The following PARN variants were observed in gnomAD, a reference collection of about 807,000 sequenced individuals.
PARN encodes the protein poly(A)-specific ribonuclease PARN.
PARN carries 71 observed loss-of-function variants against 102.8 expected under a neutral mutation model. The ratio of observed to expected loss-of-function variants is 0.69; its 90% confidence interval spans 0.57 to 0.84. The LOEUF (loss-of-function observed/expected upper bound fraction) is 0.84. Among genes scored for constraint, PARN ranks in the 40% least tolerant of loss-of-function variants. The pLI is 0.00. For missense variants in PARN, 782 were observed against 760.9 expected (o/e 1.03, Z -0.33); for synonymous variants, 261 against 252.9 (o/e 1.03, Z -0.30).
At chr16:14,533,048 G>A (rs1387925056) in intron 21 of PARN, among the ~76,000 whole-genome samples, 20 of 152,254 alleles carry the variant, frequency 1.3e-4, no homozygotes, top group Admixed American at 1.3e-3. Flanking sequence ...GGGAGGCCAA[G>A]GCAGGCGGCT....
At chr16:14,536,695 G>A (rs574953506) in intron 21 of PARN, among the ~76,000 whole-genome samples, 4 of 152,180 alleles carry the variant, frequency 2.6e-5, no homozygotes, top group African/African-American at 9.6e-5. Context: ...CCTTTTCTAT[G>A]TAGTTTTAAA....
chr16:14,590,178 G>C (rs1209274963), intron 13 of PARN, among the ~76,000 whole-genome samples: 13 of 140,130 alleles, frequency 9.3e-5, no homozygotes, highest in Admixed American at 7.5e-5. Flanking sequence ...TTGAACACAG[G>C]AGGCCGAGAT....
At chr16:14,581,585 T>C (rs1189520545) in intron 17 of PARN, among the ~76,000 whole-genome samples, 2 of 152,078 alleles carry the variant, frequency 1.3e-5, no homozygotes, top group African/African-American at 4.8e-5. Context: ...GTGAGACCTT[T>C]GGGAGGTAAT....
intron 22 of PARN, among the ~76,000 whole-genome samples, chr16:14,452,074 A>C (rs1003612942): frequency 6.6e-6 from 1 of 151,924 alleles, no homozygotes; most frequent in Non-Finnish European, 1.5e-5. Flanking sequence ...CAATAACAAC[A>C]ACCACTTCAT....
chr16:14,562,034 C>T (rs1007431142), intron 18 of PARN, among the ~76,000 whole-genome samples: 4 of 152,184 alleles, frequency 2.6e-5, no homozygotes, highest in Admixed American at 1.3e-4. Flanking sequence ...CGCCTGTAAT[C>T]CCAGCTACTC....
intron 18 of PARN, among the ~76,000 whole-genome samples, chr16:14,577,489 A>T (rs1969216416): frequency 6.6e-6 from 1 of 150,610 alleles, no homozygotes; most frequent in South Asian, 2.1e-4. Flanking sequence ...GTCTGCCCCT[A>T]CACCCACCTA....
chr16:14,629,147 T>C (rs765824066), intron 2 of PARN, among the ~76,000 whole-genome samples: 13 of 152,184 alleles, frequency 8.5e-5, no homozygotes, highest in Non-Finnish European at 1.5e-4. Flanking sequence ...GGGAGTTTAA[T>C]GTGTAAAGAG....
At chr16:14,470,263 C>T (rs1962638369) in intron 22 of PARN, among the ~76,000 whole-genome samples, 1 of 151,914 alleles carries the variant, frequency 6.6e-6, no homozygotes, top group Admixed American at 6.6e-5. Flanking sequence ...GTGCTGAGTT[C>T]CAAATTTCTG....
At chr16:14,584,540 T>G in intron 15 of PARN, 118 bp from the exon 16 acceptor site, 1 of 862,968 alleles carries the variant, frequency 1.2e-6, no homozygotes, top group Non-Finnish European at 1.8e-6. Flanking sequence ...TTGTGTTCTT[T>G]AAAGAAACAC....
At chr16:14,550,735 TA>T (rs1967245503) in intron 21 of PARN, among the ~76,000 whole-genome samples, 2 of 152,172 alleles carry the variant, frequency 1.3e-5, no homozygotes, top group Admixed American at 1.3e-4. Context: ...TTTGTTAAAG[TA>T]AAAAACAAAC....
chr16:14,454,196 T>A (rs1961583579), intron 22 of PARN, among the ~76,000 whole-genome samples: 1 of 152,176 alleles, frequency 6.6e-6, no homozygotes, highest in Non-Finnish European at 1.5e-5. Flanking sequence ...TTTGAAAATT[T>A]TTGGCCCGGC....
intron 22 of PARN, among the ~76,000 whole-genome samples, chr16:14,447,926 T>C (rs1209653955): frequency 4.0e-5 from 6 of 150,250 alleles, no homozygotes; most frequent in Non-Finnish European, 7.4e-5. Flanking sequence ...AGGAGGTGGG[T>C]ACTTTTAAAT....
intron 21 of PARN, among the ~76,000 whole-genome samples, chr16:14,487,469 T>C (rs1963776249): frequency 6.6e-6 from 1 of 152,238 alleles, no homozygotes; most frequent in African/African-American, 2.4e-5. Flanking sequence ...ACTAAGTTGA[T>C]GCATTATGTT....
chr16:14,515,672 G>A (rs1352569537), intron 21 of PARN, among the ~76,000 whole-genome samples: 1 of 152,114 alleles, frequency 6.6e-6, no homozygotes, highest in Non-Finnish European at 1.5e-5. Context: ...ATGGTGGCTT[G>A]TACCCATAAT....
Position 14,489,953 on chromosome 16 carries a change from G to C in PARN, c.1481-7126C>G, listed in dbSNP as rs1596501593. Reference sequence around the variant, plus strand: ...GGAGGCCAAGGCTGGCGGATCACTTGAGTCCAGCAGTTCAAGACCAGCCTG... The same window carrying C: ...GGAGGCCAAGGCTGGCGGATCACTTCAGTCCAGCAGTTCAAGACCAGCCTG... On this transcript the variant is annotated intron_variant, in intron 21 of 23. Coordinates refer to ENST00000437198, the MANE Select transcript of PARN (RefSeq NM_002582.4). Among the ~76,000 whole-genome samples, 4 of 152,368 alleles carry C rather than the reference G, an allele frequency of 2.6e-5. 1 individual carries two copies. The Middle Eastern group carries it at 0.014, about 518-fold the overall frequency.
At chr16:14,623,891 C>G (rs565830320) in intron 5 of PARN, among the ~76,000 whole-genome samples, 2 of 151,866 alleles carry the variant, frequency 1.3e-5, no homozygotes, top group South Asian at 4.2e-4. Flanking sequence ...AGCAGTTATG[C>G]TTCAATTTTT....
intron 21 of PARN, among the ~76,000 whole-genome samples, chr16:14,512,828 CTCT>C (rs1206729010): frequency 6.6e-6 from 1 of 152,148 alleles, no homozygotes; most frequent in Non-Finnish European, 1.5e-5. Context: ...AAAGCAAGCA[CTCT>C]TCTTGCACAT....
chr16:14,585,980 CTTTTTTTTTTTT>C (rs772896503), intron 14 of PARN, among the ~76,000 whole-genome samples: 2 of 127,240 alleles, frequency 1.6e-5, no homozygotes, highest in Admixed American at 8.0e-5. Flanking sequence ...CACAATGACT[CTTTTTTTTTTTT>C]TTTTTTTTGA....
intron 21 of PARN, among the ~76,000 whole-genome samples, chr16:14,487,019 C>T (rs576184587): frequency 1.3e-5 from 2 of 152,258 alleles, no homozygotes; most frequent in Non-Finnish European, 2.9e-5. Flanking sequence ...CTTCACTGTG[C>T]CCAAGAACAG....
Sources: gnomAD v4.1 joint callset for allele counts (sites outside exome capture counted in the v4.1 genomes callset) on GRCh38, gnomAD v4.1.1 for gene constraint, MANE v1.5 for transcripts, NCBI Gene and HGNC (gene_info 2026-07-23, HGNC 2026-07-21) for gene names.